FBXO11: variants seen among roughly 807,000 people sequenced by gnomAD.
The protein encoded by FBXO11 is F-box only protein 11.
Under a neutral mutation model 117.0 loss-of-function variants are expected in FBXO11, and 13 were observed. That is an observed-to-expected ratio of 0.11 (90% confidence interval 0.07 to 0.18). The LOEUF is 0.18. Ranked by LOEUF, FBXO11 falls within the 10% of genes least tolerant of loss-of-function variation. FBXO11 has a pLI of 1.00. For synonymous variants in FBXO11, 490 were observed against 380.5 expected (o/e 1.29, Z -3.35); for missense variants, 767 against 1,164.4 (o/e 0.66, Z 4.97).
chr2:47,895,136 C>T (rs865895210), intron 1 of FBXO11, among the ~76,000 whole-genome samples: 8 of 151,898 alleles, frequency 5.3e-5, no homozygotes, highest in Admixed American at 2.0e-4. Flanking sequence ...AAAACTCACA[C>T]GGAATGTGGC....
chr2:47,885,385 G>C lies in FBXO11; in HGVS notation c.232+20104C>G, dbSNP rs1344649070. 2.0e-5 allele frequency among the ~76,000 whole-genome samples: 3 copies of C among 152,240 alleles called. No homozygotes were observed. In the East Asian group the frequency reaches 5.8e-4, roughly 29 times the overall value. The stretch of plus-strand genomic sequence containing the variant: ...GAGGTGAGTAAATCATTGAGGTCAG[G>C]AGTTCGAGACCAGTCTGGCCAACAT... On this transcript the variant is annotated intron_variant, in intron 1 of 22. Transcript: ENST00000403359.
intron 1 of FBXO11, among the ~76,000 whole-genome samples, chr2:47,887,140 A>G (rs1467602760): frequency 6.6e-6 from 1 of 151,812 alleles, no homozygotes; most frequent in Non-Finnish European, 1.5e-5. Context: ...ACAAACTTAG[A>G]TGGGCATGGT....
intron 5 of FBXO11, among the ~76,000 whole-genome samples, 157 bp from the exon 6 acceptor site, chr2:47,835,028 C>G (rs898162729): frequency 3.3e-5 from 5 of 152,120 alleles, no homozygotes; most frequent in Non-Finnish European, 7.4e-5. Context: ...AAATCTAAAA[C>G]AAGTTATGAT....
rs543074427 is a variant in FBXO11 at position 47,850,508 on chromosome 2, T to C, written c.233-10739A>G. On this transcript the variant is annotated intron_variant, in intron 1 of 22. Coordinates refer to ENST00000403359, the MANE Select transcript of FBXO11 (RefSeq NM_001190274.2). ...GTACATATGGTACAATACTGTTTCA[T>C]GGTAGACGTGCCATTCAATTTTTGA... 4.6e-5 allele frequency among the ~76,000 whole-genome samples: 7 copies of C among 152,324 alleles called. No individual in the cohort carries two copies. In the South Asian group the frequency reaches 1.2e-3, roughly 27 times the overall value.
chr2:47,812,500 G>A (rs1464720358), intron 18 of FBXO11, among the ~76,000 whole-genome samples: 5 of 152,114 alleles, frequency 3.3e-5, no homozygotes, highest in African/African-American at 7.2e-5. Flanking sequence ...AACTATCTGA[G>A]ATACGTCACT....
intron 1 of FBXO11, among the ~76,000 whole-genome samples, chr2:47,866,929 A>T (rs1173584924): frequency 6.6e-6 from 1 of 152,188 alleles, no homozygotes; most frequent in South Asian, 2.1e-4. Context: ...TGACTCTGCA[A>T]AATGTTTTGT....
Position 47,809,239 on chromosome 2 carries a change from G to T in FBXO11, c.2474C>A (p.Ala825Asp). 6.3e-7 allele frequency: 1 copy of T among 1,597,210 alleles called. No homozygotes were observed. Among genetic ancestry groups the T allele is most frequent in the Non-Finnish European group, 8.6e-7 (1 of 1,167,752 alleles). ...GCCTCTACTAACAGCCTTTTCTATGGCATCTTGATTGTTCATTATTTTGTT... is the reference window on the plus strand; with the variant it reads ...GCCTCTACTAACAGCCTTTTCTATGTCATCTTGATTGTTCATTATTTTGTT... ...KDNKIMNNQD[A>D]IEKAVSRGQC... The change falls in exon 21 of 23, where the codon GCC becomes GAC. Residue 825 changes from alanine (A) to aspartate (D), a missense_variant. Coordinates refer to ENST00000403359, the MANE Select transcript of FBXO11 (RefSeq NM_001190274.2).
intron 1 of FBXO11, among the ~76,000 whole-genome samples, chr2:47,877,039 AG>A (rs1400533456): frequency 1.3e-5 from 2 of 148,730 alleles, no homozygotes; most frequent in East Asian, 1.9e-4. Flanking sequence ...TACTTAATAC[AG>A]GGTTTTTTTT....
At chr2:47,809,471 TCTTTCAAAATCTATCTTAAACTGTTG>T (rs1358009592) in intron 20 of FBXO11, 103 bp downstream of exon 20, 1 of 748,794 alleles carries the variant, frequency 1.3e-6, no homozygotes, top group Non-Finnish European at 2.1e-6. Context: ...AAGCTCTGTT[TCTTTCAAAATCTATCTTAAACTGTTG>T]CTAACTTGGA....
intron 11 of FBXO11, among the ~76,000 whole-genome samples, chr2:47,829,530 A>G (rs916762738): frequency 6.6e-6 from 1 of 152,096 alleles, no homozygotes; most frequent in African/African-American, 2.4e-5. Flanking sequence ...ATGAGCCACC[A>G]CACCTGGCCT....
rs1296508902 is a variant in FBXO11, at chr2:47,839,669, T to C, written c.333A>G (p.Thr111=). The change falls in exon 2 of 23, where the codon ACA becomes ACG. Residue 111 remains threonine (T), a synonymous_variant. Transcript: ENST00000403359. ...CCATACTGTTCTTTGTGGGACACGC[T>C]GTTCTTTTCGGCAAAAGAGTTTTTC... ...LRRKTLLPKR[T]ACPTKNSMEG... 3 of 1,614,176 alleles carry C rather than the reference T, an allele frequency of 1.9e-6. No homozygotes were observed. The highest frequency in any genetic ancestry group is 4.5e-5 in the East Asian group (2 of 44,870).
intron 1 of FBXO11, among the ~76,000 whole-genome samples, chr2:47,900,572 GTATACACACATATATACGTA>G (rs1276162234): frequency 1.3e-4 from 17 of 135,992 alleles, no homozygotes; most frequent in Middle Eastern, 3.6e-3. Context: ...ATATACACAC[GTATACACACATATATACGTA>G]TATACACACG....
intron 1 of FBXO11, among the ~76,000 whole-genome samples, chr2:47,894,178 C>T (rs1247878454): frequency 6.6e-6 from 1 of 152,142 alleles, no homozygotes; most frequent in African/African-American, 2.4e-5. Flanking sequence ...ATCAAGGATG[C>T]TGGGCAGAGG....
At chr2:47,873,422 T>C (rs1454825516) in intron 1 of FBXO11, among the ~76,000 whole-genome samples, 2 of 152,128 alleles carry the variant, frequency 1.3e-5, no homozygotes, top group African/African-American at 4.8e-5. Flanking sequence ...CTGGGTTTTA[T>C]CCTTGCCCTA....
At chr2:47,834,395 T>G (rs531669762) in intron 7 of FBXO11, among the ~76,000 whole-genome samples, 184 bp downstream of exon 7, 1 of 152,112 alleles carries the variant, frequency 6.6e-6, no homozygotes, top group African/African-American at 2.4e-5. Flanking sequence ...AGAATTTATA[T>G]ACAGCTATAA....
At chr2:47,847,767 T>C (rs1367671112) in intron 1 of FBXO11, among the ~76,000 whole-genome samples, 1 of 151,874 alleles carries the variant, frequency 6.6e-6, no homozygotes, top group Non-Finnish European at 1.5e-5. Context: ...ATACAGTCTG[T>C]TGTTGATGAA....
At chr2:47,889,172 G>T (rs1677082523) in intron 1 of FBXO11, among the ~76,000 whole-genome samples, 1 of 152,016 alleles carries the variant, frequency 6.6e-6, no homozygotes, top group Non-Finnish European at 1.5e-5. Flanking sequence ...ACACCAATAT[G>T]ACTGCTTCAT....
chr2:47,839,515 CAG>C lies in FBXO11; in HGVS notation c.361-17_361-16del, dbSNP rs1672854755. 1 of 1,612,396 alleles carries C rather than the reference CAG, an allele frequency of 6.2e-7. No homozygotes were observed. ...GTTGAGGCGCCCTTCAAAAACAAAA[CAG>C]AAACTAGTAAAGCAAATATTCTTAT... is the stretch of plus-strand genomic sequence containing the variant. On this transcript the variant is annotated splice_polypyrimidine_tract_variant and intron_variant, in intron 2 of 22. Coordinates refer to ENST00000403359, the MANE Select transcript of FBXO11 (RefSeq NM_001190274.2).
chr2:47,905,915 G>A lies in FBXO11; in HGVS notation c.-195C>T. ...CGGAGAAAGGCCCGGGTAGACAGACGGAGACCGAGCGAGGCCGGCCGGGAG... is the reference window on the plus strand; with the variant it reads ...CGGAGAAAGGCCCGGGTAGACAGACAGAGACCGAGCGAGGCCGGCCGGGAG... On this transcript the variant is annotated 5_prime_UTR_variant, in exon 1 of 23. Transcript: ENST00000403359. The A allele has an allele frequency of 3.3e-6, 2 of 598,120 alleles. No homozygotes were observed. Among genetic ancestry groups the A allele is most frequent in the East Asian group, 3.5e-5 (1 of 28,236 alleles). 37.1% of individuals were successfully genotyped at this position (598,120 alleles called of 1,614,324 possible).
Sources: allele counts gnomAD v4.1 joint callset (sites outside exome capture counted in the v4.1 genomes callset), GRCh38; gene constraint gnomAD v4.1.1; transcripts MANE v1.5; gene names NCBI Gene and HGNC (gene_info 2026-07-23, HGNC 2026-07-21).